The following PXDNL variants were observed in gnomAD, a reference collection of about 807,000 sequenced individuals.
PXDNL encodes probable oxidoreductase PXDNL.
In PXDNL, 145 loss-of-function variants were observed where a neutral mutation model predicts 150.8. That is an observed-to-expected ratio of 0.96 (90% CI 0.84 to 1.10). The LOEUF (loss-of-function observed/expected upper bound fraction) is 1.10. PXDNL is among the 50% of genes least tolerant of loss of function. PXDNL has a pLI of 0.00. For synonymous variants in PXDNL, 757 were observed against 725.7 expected, an observed-to-expected ratio of 1.04 and a Z score of -0.69; for missense variants, 2,087 against 1,873.9, an observed-to-expected ratio of 1.11 and a Z score of -2.10.
At chr8:51,440,864 G>A (rs546901857) in intron 12 of PXDNL, among the ~76,000 whole-genome samples, 6 of 152,250 alleles carry the variant, frequency 3.9e-5, no homozygotes, top group Non-Finnish European at 7.4e-5. Flanking sequence ...AGGTGCAGAG[G>A]GCCAGCAGGA....
chr8:51,433,863 G>T (rs1809320729), intron 12 of PXDNL, among the ~76,000 whole-genome samples: 3 of 151,978 alleles, frequency 2.0e-5, no homozygotes, highest in South Asian at 4.1e-4. Context: ...ATATTCCATT[G>T]TAAGTCAGTA....
At chr8:51,398,349 A>G (rs1283911297) in intron 17 of PXDNL, among the ~76,000 whole-genome samples, 1 of 152,152 alleles carries the variant, frequency 6.6e-6, no homozygotes, top group Non-Finnish European at 1.5e-5. Flanking sequence ...GTGGGCAGAC[A>G]TTTACCTTGG....
At chr8:51,379,908 C>T (rs898937781) in intron 17 of PXDNL, among the ~76,000 whole-genome samples, 2 of 152,034 alleles carry the variant, frequency 1.3e-5, no homozygotes, top group African/African-American at 2.4e-5. Context: ...CTGAATATGT[C>T]CTCACTTCTC....
intron 3 of PXDNL, among the ~76,000 whole-genome samples, chr8:51,561,699 A>G (rs11784319): frequency 5.3e-5 from 8 of 152,056 alleles, no homozygotes; most frequent in Admixed American, 1.3e-4. Flanking sequence ...AAAGTAGAAT[A>G]GTGGTTGCCA....
chr8:51,750,076 A>G (rs2037028771), intron 1 of PXDNL, among the ~76,000 whole-genome samples: 1 of 152,186 alleles, frequency 6.6e-6, no homozygotes, highest in Non-Finnish European at 1.5e-5. Context: ...TACTTTAGAA[A>G]GTTTTTATTT....
intron 12 of PXDNL, among the ~76,000 whole-genome samples, chr8:51,443,458 T>C (rs1218115552): frequency 6.6e-6 from 1 of 152,136 alleles, no homozygotes; most frequent in Admixed American, 6.6e-5. Context: ...CACCCAATCA[T>C]TTTGGCCTCA....
intron 12 of PXDNL, among the ~76,000 whole-genome samples, chr8:51,439,437 A>AT (rs1250137359): frequency 6.6e-6 from 1 of 152,228 alleles, no homozygotes; most frequent in Non-Finnish European, 1.5e-5. Flanking sequence ...AGATGTTGGC[A>AT]TGGATATAGT....
Position 51,408,665 on chromosome 8 carries a change from C to A in PXDNL, c.2959G>T (p.Ala987Ser). ...TTTCCCTCCCAGTGGGGGTTCAGGG[C>A]GGACAGCTCCGTGGCCATCCTGTTG... ...EHNRMATELS[A>S]LNPHWEGNTV... Residue 987 changes from alanine (A) to serine (S), a missense_variant, in exon 17 of 23, where the codon GCC (alanine) becomes TCC (serine). Transcript: ENST00000356297. 6.2e-7 allele frequency: 1 copy of A among 1,602,372 alleles called. No homozygotes were observed. The highest frequency in any genetic ancestry group is 8.5e-7 in the Non-Finnish European group (1 of 1,174,306).
In PXDNL at chr8:51,429,671, G is replaced by A. The variant is rs1051840584; in HGVS notation, c.1526-2913C>T. Among the ~76,000 whole-genome samples, 5 of 142,954 alleles carry A rather than the reference G, an allele frequency of 3.5e-5. No individual in the cohort carries two copies. In the South Asian group the frequency reaches 6.8e-4, roughly 19 times the overall value. 93.8% of individuals were successfully genotyped at this position (142,954 alleles called of 152,430 possible). A position where few individuals can be genotyped will look rare whatever the true frequency, so the allele number is the denominator to read the frequency against. ...AAAGCTACCAAACTGTCTTCCTCGT[G>A]TTCTTTTTTTCCTTTCTTTTTTTTT... On this transcript the variant is annotated intron_variant, in intron 12 of 22. Coordinates refer to ENST00000356297, the MANE Select transcript of PXDNL (RefSeq NM_144651.5).
chr8:51,559,043 T>C (rs1385079648), intron 3 of PXDNL, among the ~76,000 whole-genome samples: 1 of 151,766 alleles, frequency 6.6e-6, no homozygotes, highest in African/African-American at 2.4e-5. Context: ...AAGGGGGATA[T>C]TATTTGGATG....
intron 3 of PXDNL, among the ~76,000 whole-genome samples, chr8:51,591,758 A>G (rs1164354387): frequency 6.6e-6 from 1 of 151,938 alleles, no homozygotes; most frequent in Non-Finnish European, 1.5e-5. Context: ...AGCTGGGACT[A>G]CAGGTGCCCA....
intron 1 of PXDNL, among the ~76,000 whole-genome samples, chr8:51,667,200 G>C (rs1223212993): frequency 6.6e-6 from 1 of 152,116 alleles, no homozygotes; most frequent in Non-Finnish European, 1.5e-5. Context: ...AATATGCCCC[G>C]GGTGTGATAG....
At chr8:51,535,156 G>C (rs1288901239) in intron 4 of PXDNL, among the ~76,000 whole-genome samples, 6 of 135,986 alleles carry the variant, frequency 4.4e-5, no homozygotes, top group African/African-American at 6.5e-5. Flanking sequence ...GCTTCTGCCC[G>C]GCCGCCCCTA....
At chr8:51,678,226 G>T (rs1815667666) in intron 1 of PXDNL, among the ~76,000 whole-genome samples, 1 of 152,178 alleles carries the variant, frequency 6.6e-6, no homozygotes, top group Admixed American at 6.5e-5. Context: ...ACTTGAAGGA[G>T]AATTACATTC....
chr8:51,604,062 A>G (rs1021821563), intron 2 of PXDNL, among the ~76,000 whole-genome samples: 1 of 152,194 alleles, frequency 6.6e-6, no homozygotes, highest in Non-Finnish European at 1.5e-5. Context: ...CCAAAATTAT[A>G]ATAAAATTAG....
intron 1 of PXDNL, among the ~76,000 whole-genome samples, chr8:51,658,259 T>C (rs974649649): frequency 6.7e-6 from 1 of 149,572 alleles, no homozygotes; most frequent in African/African-American, 2.5e-5. Context: ...GGAAGATCGC[T>C]TGGGCCCAGG....
At chr8:51,577,976 A>AAAGG (rs1813104368) in intron 3 of PXDNL, among the ~76,000 whole-genome samples, 1 of 105,218 alleles carries the variant, frequency 9.5e-6, no homozygotes, top group Admixed American at 1.1e-4. Context: ...AGAAAGAAAG[A>AAAGG]AAGAAAGAAA....
chr8:51,457,664 G>A lies in PXDNL; in HGVS notation c.816C>T (p.His272=), dbSNP rs1809966647. ...GAGTATCATCTTCCAAATCCAATGAGTGGCTGGAAATATAGGTTATACATG... is the reference window on the plus strand; with the variant it reads ...GAGTATCATCTTCCAAATCCAATGAATGGCTGGAAATATAGGTTATACATG... ...KPEIIWIHNN[H]SLDLEDDTRL... Residue 272 remains histidine, a synonymous_variant, in exon 9 of 23, where the codon CAC becomes CAT. Transcript: ENST00000356297. 6.8e-6 allele frequency: 11 copies of A among 1,611,672 alleles called. No homozygotes were observed. The highest frequency in any genetic ancestry group is 9.3e-6 in the Non-Finnish European group (11 of 1,178,516).
chr8:51,426,598 C>T (rs781544518), intron 13 of PXDNL, 48 bp downstream of exon 13: 5 of 1,073,188 alleles, frequency 4.7e-6, no homozygotes, highest in Admixed American at 2.1e-5. Context: ...TGGGTCGATA[C>T]ATCTGTCAGT....
Sources: gnomAD v4.1 joint callset for allele counts (sites outside exome capture counted in the v4.1 genomes callset) on GRCh38, gnomAD v4.1.1 for gene constraint, MANE v1.5 for transcripts, NCBI Gene and HGNC (gene_info 2026-07-23, HGNC 2026-07-21) for gene names.